PCDHGB2: variants seen among roughly 807,000 people sequenced by gnomAD.
The protein encoded by PCDHGB2 is protocadherin gamma-B2.
PCDHGB2 carries 55 observed loss-of-function variants against 59.3 expected under a neutral mutation model. The observed-to-expected ratio is 0.93, with a 90% CI of 0.75 to 1.16. PCDHGB2 has a LOEUF of 1.16. PCDHGB2 is among the 50% of genes most tolerant of loss of function. PCDHGB2 has a pLI of 0.00. For missense variants in PCDHGB2, 1,228 were observed against 1,198.5 expected (o/e 1.02, Z -0.36); for synonymous variants, 516 against 512.0 (o/e 1.01, Z -0.11).
At chr5:141,497,664 C>T (rs779506763) in intron 2 of PCDHGB2, among the ~76,000 whole-genome samples, 14 of 151,904 alleles carry the variant, frequency 9.2e-5, no homozygotes, top group Non-Finnish European at 1.8e-4. Context: ...CTCAGCCTCC[C>T]GAGTAGCTGG....
At chr5:141,398,565 A>G (rs2150749377) in intron 1 of PCDHGB2, 2 of 1,614,040 alleles carry the variant, frequency 1.2e-6, no homozygotes, top group South Asian at 1.1e-5. Context: ...GTGAGTCTGC[A>G]CAGCCTGGCA....
In PCDHGB2 at chr5:141,471,102, G is replaced by A. The variant is rs922174682; in HGVS notation, c.2422-23705G>A. 3.4e-5 allele frequency among the ~76,000 whole-genome samples: 5 copies of A among 146,522 alleles called. No individual in the cohort carries two copies. The Admixed American group carries it at 3.5e-4, about 10-fold the overall frequency. On this transcript the variant is annotated intron_variant, in intron 1 of 3. Coordinates refer to ENST00000522605, the MANE Select transcript of PCDHGB2 (RefSeq NM_018923.3). ...CTCCCTCTGTTGTCCAGGCTAGAGTGCAGTGGTGCGATCTTACCTTCACTG... is the reference window on the plus strand; with the variant it reads ...CTCCCTCTGTTGTCCAGGCTAGAGTACAGTGGTGCGATCTTACCTTCACTG...
At position 141,486,714 on chromosome 5, in the gene PCDHGB2, CAG is replaced by C; in HGVS notation, c.2422-8092_2422-8091del. ...TCTTTCATCTCTCTGAACCCCCAGA[CAG>C]GAGCTGTTCATGCTACTCGATCCTT... On this transcript the variant is annotated intron_variant, in intron 1 of 3. Coordinates refer to ENST00000522605, the MANE Select transcript of PCDHGB2 (RefSeq NM_018923.3). This position sits in a 1 kb window ranked among gnomAD's most constrained non-coding sequence, Gnocchi z 5.0. 1 of 1,614,216 alleles carries C rather than the reference CAG, an allele frequency of 6.2e-7. No homozygotes were observed. Among genetic ancestry groups the C allele is most frequent in the Non-Finnish European group, 8.5e-7 (1 of 1,180,034 alleles).
At chr5:141,496,329 C>T (rs1435070517) in intron 2 of PCDHGB2, among the ~76,000 whole-genome samples, 2 of 152,186 alleles carry the variant, frequency 1.3e-5, no homozygotes, top group South Asian at 4.1e-4. Context: ...AGTTAGAAGT[C>T]AGGAGCCTGG....
intron 1 of PCDHGB2, among the ~76,000 whole-genome samples, chr5:141,445,417 A>C (rs1483224509): frequency 6.6e-6 from 1 of 152,208 alleles, no homozygotes; most frequent in Non-Finnish European, 1.5e-5. Context: ...ACTGTCTGCT[A>C]TATGCAAGGC....
chr5:141,500,430 C>T (rs2099800127), intron 2 of PCDHGB2, among the ~76,000 whole-genome samples: 1 of 151,676 alleles, frequency 6.6e-6, no homozygotes, highest in African/African-American at 2.4e-5. Context: ...AGGATGGTCT[C>T]GATCTCCTGA....
chr5:141,442,014 G>T, intron 1 of PCDHGB2: 1 of 220,044 alleles, frequency 4.5e-6, no homozygotes, highest in Non-Finnish European at 9.2e-6. Flanking sequence ...TCGCACGATG[G>T]GCCACAGGAA....
chr5:141,404,116 G>A (rs751598967), intron 1 of PCDHGB2: 1 of 1,613,478 alleles, frequency 6.2e-7, no homozygotes, highest in East Asian at 2.2e-5. Flanking sequence ...CTATCCAGGA[G>A]AATCTATCTT....
chr5:141,418,247 G>T, intron 1 of PCDHGB2: 1 of 1,614,032 alleles, frequency 6.2e-7, no homozygotes, highest in Non-Finnish European at 8.5e-7. Context: ...TAATGACCAC[G>T]CCCCTCAATT....
rs543209695 is a variant in PCDHGB2 at position 141,431,563 on chromosome 5, C to T, written c.2422-63244C>T. 24 of 1,614,026 alleles carry T rather than the reference C, an allele frequency of 1.5e-5. No individual in the cohort carries two copies. Among genetic ancestry groups the T allele is most frequent in the Non-Finnish European group, 1.9e-5 (23 of 1,180,046 alleles). ...AGCTGCTTGTAGTCAACGCTACCGA[C>T]CCTGACGAAGGAGTCAATGCGGAAG... On this transcript the variant is annotated intron_variant, in intron 1 of 3. Transcript: ENST00000522605. The surrounding 1 kb of genome is among the most constrained non-coding windows in gnomAD (Gnocchi z 4.8).
rs1320690569 is a variant in PCDHGB2, at chr5:141,360,599, A to G, written c.464A>G (p.Asp155Gly). ...AAGCCAGGTACAACATTTCCACTTGACCCAGCCCTGGATTCAGATGTTGGT... is the reference window on the plus strand; with the variant it reads ...AAGCCAGGTACAACATTTCCACTTGGCCCAGCCCTGGATTCAGATGTTGGT... ...STKPGTTFPL[D>G]PALDSDVGPN... The change falls in exon 1 of 4, where the codon GAC becomes GGC. Residue 155 changes from aspartate (D) to glycine (G), a missense_variant. Physicochemically the swap from Asp to Gly is moderately conservative, Grantham distance 94. Around this residue, in one of 3 missense-constraint regions of PCDHGB2, gnomAD observed 781 missense variants for 721.6 expected, o/e 1.08. Transcript: ENST00000522605. 2 of 1,613,866 alleles carry G rather than the reference A, an allele frequency of 1.2e-6. No individual in the cohort carries two copies. Among genetic ancestry groups the G allele is most frequent in the Non-Finnish European group, 1.7e-6 (2 of 1,179,902 alleles).
intron 1 of PCDHGB2, among the ~76,000 whole-genome samples, chr5:141,425,440 A>G (rs1438530374): frequency 2.0e-5 from 3 of 152,248 alleles, no homozygotes; most frequent in Non-Finnish European, 4.4e-5. Flanking sequence ...GAGGATAAAA[A>G]TAAAACACCA....
Position 141,421,812 on chromosome 5 carries a change from A to G in PCDHGB2, c.2421+59256A>G, listed in dbSNP as rs779804436. On this transcript the variant is annotated intron_variant, in intron 1 of 3. Transcript: ENST00000522605. ...CGGATGGGGCCAAGAATCCAGAGCTAGTACTGGAGGGAAGCCTGGACCGAG... is the reference window on the plus strand; with the variant it reads ...CGGATGGGGCCAAGAATCCAGAGCTGGTACTGGAGGGAAGCCTGGACCGAG... 9.9e-6 allele frequency: 16 copies of G among 1,613,704 alleles called. 1 individual carries two copies. In the South Asian group the frequency reaches 1.5e-4, roughly 16 times the overall value.
intron 1 of PCDHGB2, chr5:141,390,565 G>T: frequency 4.8e-6 from 2 of 420,818 alleles, no homozygotes. Context: ...ACAGTTGTTG[G>T]CTCTCTCCTA....
chr5:141,397,949 A>AGCCCCAGCTCAGAC (rs1391996511), intron 1 of PCDHGB2: 1 of 916,660 alleles, frequency 1.1e-6, no homozygotes, highest in Non-Finnish European at 1.6e-6. Context: ...TTTCCAGGGC[A>AGCCCCAGCTCAGAC]GCCCCAGCTC....
chr5:141,419,651 TC>T, intron 1 of PCDHGB2: 28 of 1,612,632 alleles, frequency 1.7e-5, no homozygotes, highest in Non-Finnish European at 2.3e-5. Flanking sequence ...GGACGCGGAC[TC>T]GGGGCACAAT....
chr5:141,421,348 G>C lies in PCDHGB2; in HGVS notation c.2421+58792G>C, dbSNP rs202220769. On this transcript the variant is annotated intron_variant, in intron 1 of 3. Coordinates refer to ENST00000522605, the MANE Select transcript of PCDHGB2 (RefSeq NM_018923.3). ...CCGATATTCGGTGCCAGAAGAGACC[G>C]AAAAGGGCTCCTTCGTGGGCAATAT... 9.1e-5 allele frequency: 147 copies of C among 1,613,862 alleles called. No individual in the cohort carries two copies. Among genetic ancestry groups the C allele is most frequent in the Non-Finnish European group, 1.1e-4 (125 of 1,179,904 alleles).
At chr5:141,394,688 G>A (rs770742323) in intron 1 of PCDHGB2, 3 of 1,611,882 alleles carry the variant, frequency 1.9e-6, no homozygotes, top group Middle Eastern at 1.7e-4. Flanking sequence ...ACACGGGCGA[G>A]GTGCGCACGG....
At chr5:141,494,363 T>C (rs1264801258) in intron 1 of PCDHGB2, among the ~76,000 whole-genome samples, 1 of 152,206 alleles carries the variant, frequency 6.6e-6, no homozygotes, top group Non-Finnish European at 1.5e-5. Context: ...CTGCAGAGGA[T>C]GCTTTGTTCC....
Sources: gnomAD v4.1 joint callset for allele counts (sites outside exome capture counted in the v4.1 genomes callset) on GRCh38, gnomAD v4.1.1 for gene constraint, gnomAD v4.1.1 regional missense constraint, Gnocchi (gnomAD v3.1) non-coding constraint, MANE v1.5 for transcripts, NCBI Gene and HGNC (gene_info 2026-07-23, HGNC 2026-07-21) for gene names.